TCEA1: variants seen among roughly 807,000 people sequenced by gnomAD.
The protein encoded by TCEA1 is transcription elongation factor A1, also known as transcription elongation factor A protein 1.
Under a neutral mutation model 43.8 loss-of-function variants are expected in TCEA1, and 21 were observed. The observed-to-expected ratio is 0.48, with a 90% CI of 0.34 to 0.69. The LOEUF (loss-of-function observed/expected upper bound fraction) is 0.69, where lower values mean the gene tolerates loss of function less well. Ranked by LOEUF, TCEA1 falls within the 30% of genes least tolerant of loss-of-function variation. TCEA1 has a pLI of 0.01. For missense variants in TCEA1, 250 were observed against 365.1 expected (o/e 0.68, Z 2.57); for synonymous variants, 104 against 117.5 (o/e 0.88, Z 0.75).
chr8:53,995,540 G>A (rs1405314475), intron 3 of TCEA1, among the ~76,000 whole-genome samples: 4 of 152,140 alleles, frequency 2.6e-5, no homozygotes, highest in Non-Finnish European at 5.9e-5. Context: ...AAGTATACCA[G>A]TTAAGTACAT....
intron 1 of TCEA1, 95 bp from the exon 2 acceptor site, chr8:54,010,587 A>T (rs1412901534): frequency 1.1e-6 from 1 of 945,824 alleles, no homozygotes; most frequent in Non-Finnish European, 1.6e-6. Flanking sequence ...GAAAACAGCT[A>T]AAGAGGAATA....
At chr8:53,984,557 TA>T in intron 6 of TCEA1, 40 bp from the exon 7 acceptor site, 1 of 1,495,552 alleles carries the variant, frequency 6.7e-7, no homozygotes, top group Non-Finnish European at 8.9e-7. Flanking sequence ...ATTACAAAAG[TA>T]AGATCACTTT....
chr8:53,989,908 T>TA (rs1803818103), intron 4 of TCEA1, among the ~76,000 whole-genome samples: 1 of 152,138 alleles, frequency 6.6e-6, no homozygotes, highest in South Asian at 2.1e-4. Flanking sequence ...TAACTAGGAC[T>TA]ACAGGTGCAT....
chr8:53,992,076 C>G (rs1420769887), intron 4 of TCEA1, among the ~76,000 whole-genome samples: 1 of 151,962 alleles, frequency 6.6e-6, no homozygotes, highest in Non-Finnish European at 1.5e-5. Context: ...CTTTGGGAGG[C>G]TGAGGCAGGT....
intron 8 of TCEA1, among the ~76,000 whole-genome samples, chr8:53,974,555 T>G: frequency 6.6e-6 from 1 of 151,574 alleles, no homozygotes; most frequent in East Asian, 1.9e-4. Context: ...GGGACGGAGT[T>G]TCATTCTTGT....
chr8:53,974,269 A>T (rs1286175832), intron 8 of TCEA1: 1 of 152,714 alleles, frequency 6.5e-6, no homozygotes, highest in African/African-American at 2.4e-5. Flanking sequence ...AAATAGTAGG[A>T]GAAATATTTA....
chr8:53,967,966 T>A lies in TCEA1; in HGVS notation c.*138A>T. On this transcript the variant is annotated 3_prime_UTR_variant, in exon 10 of 10. Coordinates refer to ENST00000521604, the MANE Select transcript of TCEA1 (RefSeq NM_006756.4). ...CTACAGAAGGCATTTAAGGAAGGGATGTTAGGTCAAAAACAAAGTCTAACC... is the reference window on the plus strand; with the variant it reads ...CTACAGAAGGCATTTAAGGAAGGGAAGTTAGGTCAAAAACAAAGTCTAACC... The A allele has an allele frequency of 1.6e-6, 1 of 630,358 alleles. No homozygotes were observed. Among genetic ancestry groups the A allele is most frequent in the South Asian group, 2.8e-5 (1 of 36,174 alleles). The allele number at this position is 630,358 out of a possible 1,614,324, so 39.0% of individuals were successfully genotyped here.
chr8:54,016,862 T>A (rs1804844464), intron 1 of TCEA1, among the ~76,000 whole-genome samples: 1 of 150,712 alleles, frequency 6.6e-6, no homozygotes, highest in Non-Finnish European at 1.5e-5. Flanking sequence ...TAGTCCCAGC[T>A]ACTCGGGAGG....
At chr8:53,983,576 G>A (rs1391766975) in intron 7 of TCEA1, among the ~76,000 whole-genome samples, 14 of 152,120 alleles carry the variant, frequency 9.2e-5, no homozygotes, top group Non-Finnish European at 1.6e-4. Flanking sequence ...TCTGAAGCAG[G>A]AGAATCGCTT....
At chr8:54,017,704 T>C (rs563593334) in intron 1 of TCEA1, among the ~76,000 whole-genome samples, 3 of 152,264 alleles carry the variant, frequency 2.0e-5, no homozygotes, top group South Asian at 2.1e-4. Flanking sequence ...GTGAATCACT[T>C]GAGGTCAGGA....
chr8:54,005,572 G>T (rs2129310646), intron 2 of TCEA1, among the ~76,000 whole-genome samples: 1 of 152,110 alleles, frequency 6.6e-6, no homozygotes, highest in Non-Finnish European at 1.5e-5. Flanking sequence ...ATTGCTAAAT[G>T]GCACCATCTA....
intron 1 of TCEA1, among the ~76,000 whole-genome samples, chr8:54,014,271 C>G (rs78264739): frequency 5.3e-4 from 81 of 152,160 alleles, no homozygotes; most frequent in Non-Finnish European, 9.3e-4. Context: ...TATCACCAAA[C>G]AAGAAGCTGT....
intron 2 of TCEA1, among the ~76,000 whole-genome samples, chr8:54,007,999 T>A (rs561902241): frequency 7.9e-5 from 12 of 151,392 alleles, no homozygotes; most frequent in African/African-American, 2.9e-4. Context: ...CTGGCCAACA[T>A]GGTGAAACCC....
intron 1 of TCEA1, among the ~76,000 whole-genome samples, chr8:54,010,944 T>G (rs912921125): frequency 2.0e-5 from 3 of 151,942 alleles, no homozygotes; most frequent in Admixed American, 6.6e-5. Flanking sequence ...GCCTCCTGAG[T>G]AGGTGAGATT....
chr8:54,016,978 CAAAAAAA>C (rs1159105172), intron 1 of TCEA1, among the ~76,000 whole-genome samples: 15 of 67,422 alleles, frequency 2.2e-4, no homozygotes, highest in African/African-American at 5.6e-4. Context: ...GACTCCGTCT[CAAAAAAA>C]AAAAAAAAAA....
intron 3 of TCEA1, among the ~76,000 whole-genome samples, chr8:53,996,512 T>C (rs1804056249): frequency 6.6e-6 from 1 of 152,200 alleles, no homozygotes; most frequent in African/African-American, 2.4e-5. Context: ...TGCTACCTAG[T>C]AGCAGTAGTA....
chr8:54,021,716 G>T, intron 1 of TCEA1: 1 of 210,248 alleles, frequency 4.8e-6, no homozygotes, highest in Non-Finnish European at 9.3e-6. Flanking sequence ...TTCAAGTTCT[G>T]AGGACTTTCT....
chr8:53,977,794 C>T (rs957568119), intron 8 of TCEA1, among the ~76,000 whole-genome samples: 2 of 152,090 alleles, frequency 1.3e-5, no homozygotes, highest in African/African-American at 4.8e-5. Flanking sequence ...CTAGTCATAT[C>T]GTACATAAAT....
At chr8:53,993,883 A>G (rs1803963869) in intron 3 of TCEA1, 128 bp from the exon 4 acceptor site, 2 of 717,700 alleles carry the variant, frequency 2.8e-6, no homozygotes, top group Admixed American at 2.5e-5. Context: ...TGAAGTTTGC[A>G]TAAGCTATTA....
Sources: gnomAD v4.1 joint callset for allele counts (sites outside exome capture counted in the v4.1 genomes callset) on GRCh38, gnomAD v4.1.1 for gene constraint, MANE v1.5 for transcripts, NCBI Gene and HGNC (gene_info 2026-07-23, HGNC 2026-07-21) for gene names.